Variants in RTP2 observed in about 807,000 individuals in gnomAD.
RTP2 encodes receptor transporter protein 2.
In RTP2, 12 loss-of-function variants were observed where a neutral mutation model predicts 17.9. The ratio of observed to expected loss-of-function variants is 0.67; its 90% CI spans 0.43 to 1.09. The LOEUF is 1.09. Ranked by LOEUF, RTP2 falls within the 50% of genes least tolerant of loss-of-function variation. The pLI is 0.00. For synonymous variants in RTP2, 126 were observed against 117.7 expected, an observed-to-expected ratio of 1.07 and a Z score of -0.46; for missense variants, 327 against 295.7, an observed-to-expected ratio of 1.11 and a Z score of -0.78.
At chr3:187,711,017 G>A in the RTP2 span, among the ~76,000 whole-genome samples, 1 of 152,146 alleles carries the variant, frequency 6.6e-6, no homozygotes, top group Non-Finnish European at 1.5e-5. Flanking sequence ...GATGTCTAAA[G>A]GCACCATGTA....
the RTP2 span, among the ~76,000 whole-genome samples, chr3:187,711,128 C>A: frequency 3.9e-5 from 6 of 152,130 alleles, no homozygotes; most frequent in Non-Finnish European, 8.8e-5. Context: ...TCCAATGGCT[C>A]AAAGAGTCTT....
chr3:187,702,156 A>G (rs1717868676), exon 1 of RTP2: 1 of 1,579,114 alleles, frequency 6.3e-7, no homozygotes. Context: ...TGGCAGTTCG[A>G]GCTCAGCCCT....
the RTP2 span, among the ~76,000 whole-genome samples, chr3:187,713,347 G>C: frequency 3.0e-4 from 46 of 152,318 alleles, no homozygotes; most frequent in African/African-American, 1.1e-3. Flanking sequence ...GTGCTCAAGG[G>C]TACACAAATG....
chr3:187,698,561 C>T lies in RTP2; in HGVS notation c.615G>A (p.Trp205Ter). The change falls in exon 2 of 2, where the codon TGG becomes TGA. Residue 205 changes from tryptophan (W) to a stop codon, truncating the protein, a stop_gained. Transcript: ENST00000358241. LOFTEE classifies it high-confidence loss of function. ...AAACAACGAGCAGGCAGAGAGAGGC[C>T]CAGAAGAGGCACCAGCGAAGAGACA... The T allele has an allele frequency of 6.2e-7, 1 of 1,614,130 alleles. No homozygotes were observed. The highest frequency in any genetic ancestry group is 8.5e-7 in the Non-Finnish European group (1 of 1,180,018).
upstream of RTP2, among the ~76,000 whole-genome samples, chr3:187,707,486 G>A (rs531504918): frequency 3.3e-5 from 5 of 152,224 alleles, no homozygotes; most frequent in East Asian, 3.9e-4. Context: ...ATGTTAAAGG[G>A]GTGCTTTTCC....
chr3:187,698,531 C>A (rs1306757549), exon 2 of RTP2: 6 of 1,612,928 alleles, frequency 3.7e-6, no homozygotes, highest in Non-Finnish European at 5.1e-6. Context: ...AGGAGAACTG[C>A]AGGTAAACAA....
upstream of RTP2, among the ~76,000 whole-genome samples, chr3:187,707,075 T>C (rs1718010632): frequency 6.6e-6 from 1 of 152,244 alleles, no homozygotes; most frequent in Non-Finnish European, 1.5e-5. Flanking sequence ...ATGCTGCCTG[T>C]GAGATGGGAC....
chr3:187,704,098 G>A (rs185734650), upstream of RTP2, among the ~76,000 whole-genome samples: 64 of 152,132 alleles, frequency 4.2e-4, 1 homozygote, highest in Admixed American at 3.6e-3. Flanking sequence ...TCACACTCTG[G>A]CAGCTTCATT....
chr3:187,707,905 C>T, the RTP2 span, among the ~76,000 whole-genome samples: 2 of 152,120 alleles, frequency 1.3e-5, no homozygotes, highest in African/African-American at 2.4e-5. Flanking sequence ...ACCTTCACTC[C>T]ATTAACCAAA....
At chr3:187,714,872 A>G in the RTP2 span, among the ~76,000 whole-genome samples, 2 of 152,164 alleles carry the variant, frequency 1.3e-5, no homozygotes, top group Non-Finnish European at 2.9e-5. Context: ...GTGACTGAAG[A>G]ATAGGGTGCA....
the RTP2 span, among the ~76,000 whole-genome samples, chr3:187,707,927 G>C: frequency 6.6e-6 from 1 of 152,104 alleles, no homozygotes; most frequent in Non-Finnish European, 1.5e-5. Context: ...GTGTTCTCTA[G>C]GGAGAACACT....
the RTP2 span, among the ~76,000 whole-genome samples, chr3:187,712,031 C>T: frequency 3.3e-5 from 5 of 152,112 alleles, no homozygotes; most frequent in South Asian, 6.2e-4. Context: ...AAATGGTCTT[C>T]GAGATGATGG....
At chr3:187,711,119 C>T in the RTP2 span, among the ~76,000 whole-genome samples, 1 of 152,284 alleles carries the variant, frequency 6.6e-6, no homozygotes, top group Admixed American at 6.5e-5. Flanking sequence ...GCTTTTGATT[C>T]CAATGGCTCA....
intron 1 of RTP2, among the ~76,000 whole-genome samples, chr3:187,699,337 C>A (rs1424349251): frequency 2.0e-5 from 3 of 152,058 alleles, no homozygotes; most frequent in Admixed American, 2.0e-4. Context: ...CAGGGTCATC[C>A]CCCCCTCTCT....
chr3:187,711,069 C>T, the RTP2 span, among the ~76,000 whole-genome samples: 3 of 152,168 alleles, frequency 2.0e-5, no homozygotes, highest in Non-Finnish European at 2.9e-5. Context: ...ATAGCCACCC[C>T]TTCTGCTGTT....
chr3:187,703,579 C>T (rs975014763), upstream of RTP2, among the ~76,000 whole-genome samples: 2 of 152,100 alleles, frequency 1.3e-5, no homozygotes, highest in Non-Finnish European at 2.9e-5. Context: ...ACAACTGAGG[C>T]CTGGAAATGG....
chr3:187,714,605 A>G, the RTP2 span, among the ~76,000 whole-genome samples: 1 of 152,204 alleles, frequency 6.6e-6, no homozygotes, highest in South Asian at 2.1e-4. Flanking sequence ...GCTATTTGCT[A>G]GAATGCACCA....
the RTP2 span, among the ~76,000 whole-genome samples, chr3:187,711,764 A>G: frequency 6.6e-5 from 10 of 152,260 alleles, no homozygotes; most frequent in Non-Finnish European, 1.2e-4. Flanking sequence ...ACATCTGTAA[A>G]GTAAGAATAA....
At chr3:187,698,949 A>G in exon 2 of RTP2, 1 of 1,607,202 alleles carries the variant, frequency 6.2e-7, no homozygotes, top group Non-Finnish European at 8.5e-7. Context: ...GTCCAGGAAC[A>G]TGTGGAAGAG....
Sources: allele counts gnomAD v4.1 joint callset (sites outside exome capture counted in the v4.1 genomes callset), GRCh38; gene constraint gnomAD v4.1.1; transcripts MANE v1.5; gene names NCBI Gene and HGNC (gene_info 2026-07-23, HGNC 2026-07-21).